The following DPP8 variants were observed in gnomAD, a reference collection of about 807,000 sequenced individuals.
The protein encoded by DPP8 is DPP VIII.
DPP8 carries 31 observed loss-of-function variants against 107.5 expected under a neutral mutation model. That is an observed-to-expected ratio of 0.29 (90% confidence interval 0.22 to 0.39). The LOEUF is 0.39. Among genes scored for constraint, DPP8 ranks in the 10% least tolerant of loss-of-function variants. The pLI is 1.00. For missense variants in DPP8, 842 were observed against 1,076.1 expected (o/e 0.78, Z 3.04); for synonymous variants, 381 against 356.6 (o/e 1.07, Z -0.77).
intron 7 of DPP8, among the ~76,000 whole-genome samples, chr15:65,486,793 G>A (rs146536478): frequency 0.018 from 2,705 of 152,196 alleles, 40 homozygotes; most frequent in Non-Finnish European, 0.027. Context: ...AGGACACAAA[G>A]GCATAAGAAT....
At chr15:65,448,580 T>C (rs980255008) in intron 19 of DPP8, among the ~76,000 whole-genome samples, 3 of 143,712 alleles carry the variant, frequency 2.1e-5, no homozygotes, top group African/African-American at 5.2e-5. Context: ...GCTGGGGCAG[T>C]AGAATGGCGT....
rs2063351541 is a variant in DPP8, at chr15:65,443,013, A to C, written c.*3871T>G. 1 of 152,168 alleles carries C rather than the reference A, an allele frequency of 6.6e-6. No homozygotes were observed. Among genetic ancestry groups the C allele is most frequent in the Admixed American group, 6.5e-5 (1 of 15,278 alleles). 9.4% of individuals were successfully genotyped at this position (152,168 alleles called of 1,614,324 possible). A position where few individuals can be genotyped will look rare whatever the true frequency, so the allele number is the denominator to read the frequency against. On this transcript the variant is annotated 3_prime_UTR_variant, in exon 20 of 20. Transcript: ENST00000300141. ...TATTCCAATCCTCAAATCCTCCACT[A>C]TACCAAGGAAGACACATTTAGTGCA... is the stretch of plus-strand genomic sequence containing the variant.
In DPP8 at chr15:65,481,584, T is replaced by C; in HGVS notation, c.1049A>G (p.Gln350Arg). 6.3e-7 allele frequency: 1 copy of C among 1,584,478 alleles called. No individual in the cohort carries two copies. The highest frequency in any genetic ancestry group is 8.6e-7 in the Non-Finnish European group (1 of 1,165,712). ...IIDVIDKELI[Q>R]PFEILFEGVE... ...TCCTTCAAATAGAATCTCAAAAGGT[T>C]GAATTAGTTCCTTATCTATGACATC... Residue 350 changes from glutamine to arginine, a missense_variant, in exon 9 of 20, where the codon CAA becomes CGA. Physicochemically the swap from Gln to Arg is conservative, Grantham distance 43 (BLOSUM62 1). Around this residue, in one of 2 missense-constraint regions of DPP8, gnomAD observed 663 missense variants for 758.0 expected, o/e 0.87. Transcript: ENST00000300141.
Position 65,454,262 on chromosome 15 carries a change from C to A in DPP8, c.2271+1G>T. 6.6e-7 allele frequency: 1 copy of A among 1,522,256 alleles called. No homozygotes were observed. The highest frequency in any genetic ancestry group is 8.7e-7 in the Non-Finnish European group (1 of 1,143,844). The allele number at this position is 1,522,256 out of a possible 1,614,324, so 94.3% of individuals were successfully genotyped here. ...AATGAGTATAATAGGAAGTCACATA[C>A]CCTGAAGATATCTGACCTCTGCATT... On this transcript the variant is annotated splice_donor_variant, in intron 17 of 19. Transcript: ENST00000300141. LOFTEE classifies it high-confidence loss of function.
rs1286622501 is a variant in DPP8, at chr15:65,474,164, C to T, written c.1536+45G>A. The T allele has an allele frequency of 2.2e-6, 3 of 1,359,954 alleles. No homozygotes were observed. In the African/African-American group the frequency reaches 4.3e-5, roughly 19 times the overall value. The allele number at this position is 1,359,954 out of a possible 1,614,324, so 84.2% of individuals were successfully genotyped here. ...TTACTCATTTTTAGCACTGCATTCA[C>T]ACAGTAATACTGACCAAACATATCA... is the stretch of plus-strand genomic sequence containing the variant. On this transcript the variant is annotated intron_variant, in intron 12 of 19. Transcript: ENST00000300141.
intron 12 of DPP8, among the ~76,000 whole-genome samples, chr15:65,469,568 G>A (rs2053137): frequency 0.19 from 28,349 of 146,026 alleles, 3,776 homozygotes; most frequent in East Asian, 0.73. Flanking sequence ...CAGGAGAATC[G>A]CTTGAACCTG....
intron 12 of DPP8, among the ~76,000 whole-genome samples, chr15:65,471,716 G>A (rs985235335): frequency 2.0e-5 from 3 of 151,940 alleles, no homozygotes; most frequent in African/African-American, 7.3e-5. Flanking sequence ...TCTAATTCCT[G>A]GGCACAAGTG....
At chr15:65,492,099 T>G (rs1237227299) in intron 5 of DPP8, among the ~76,000 whole-genome samples, 1 of 151,460 alleles carries the variant, frequency 6.6e-6, no homozygotes, top group East Asian at 2.0e-4. Context: ...CCCAACACTT[T>G]GGGAGGCTGA....
At position 65,447,310 on chromosome 15, in the gene DPP8, C is replaced by T. The variant is rs979244737; in HGVS notation, c.2527-304G>A. 2.0e-5 allele frequency among the ~76,000 whole-genome samples: 3 copies of T among 152,240 alleles called. No individual in the cohort carries two copies. In the Middle Eastern group the frequency reaches 0.01, roughly 518 times the overall value. ...GACACGGTCAAAACTACTTTTAGAA[C>T]AACACAAAGACATTATTTGCCTTTA... On this transcript the variant is annotated intron_variant, in intron 19 of 19. Coordinates refer to ENST00000300141, the MANE Select transcript of DPP8 (RefSeq NM_130434.5).
chr15:65,472,861 G>A (rs549623211), intron 12 of DPP8, among the ~76,000 whole-genome samples: 33 of 152,140 alleles, frequency 2.2e-4, no homozygotes, highest in Non-Finnish European at 1.8e-4. Flanking sequence ...GCAACATGGC[G>A]GAATCCCGTC....
At position 65,474,327 on chromosome 15, in the gene DPP8, A is replaced by G. The variant is rs535123257; in HGVS notation, c.1457-39T>C. 9.3e-6 allele frequency: 13 copies of G among 1,390,418 alleles called. No homozygotes were observed. The African/African-American group carries it at 1.6e-4, about 17-fold the overall frequency. 86.1% of individuals were successfully genotyped at this position (1,390,418 alleles called of 1,614,324 possible). ...TAATTATAATTCAGTACATTATACCAGACTATAAGCAAATGAAACAATTAA... is the reference window on the plus strand; with the variant it reads ...TAATTATAATTCAGTACATTATACCGGACTATAAGCAAATGAAACAATTAA... On this transcript the variant is annotated intron_variant, in intron 11 of 19. Coordinates refer to ENST00000300141, the MANE Select transcript of DPP8 (RefSeq NM_130434.5).
At chr15:65,497,471 C>G (rs2068728694) in intron 5 of DPP8, among the ~76,000 whole-genome samples, 1 of 151,856 alleles carries the variant, frequency 6.6e-6, no homozygotes, top group Non-Finnish European at 1.5e-5. Context: ...CCATCCTGAT[C>G]TTGAACTTCT....
At chr15:65,474,888 A>C (rs2066242754) in intron 11 of DPP8, among the ~76,000 whole-genome samples, 1 of 152,250 alleles carries the variant, frequency 6.6e-6, no homozygotes, top group Non-Finnish European at 1.5e-5. Flanking sequence ...TGATCTATTT[A>C]GGTAATGCAA....
chr15:65,495,758 G>A (rs1420647268), intron 5 of DPP8, among the ~76,000 whole-genome samples: 3 of 150,498 alleles, frequency 2.0e-5, no homozygotes, highest in East Asian at 2.0e-4. Flanking sequence ...AAAATTAGCC[G>A]GTAATCCCAG....
At chr15:65,468,084 G>A (rs1390182624) in intron 12 of DPP8, among the ~76,000 whole-genome samples, 5 of 152,092 alleles carry the variant, frequency 3.3e-5, no homozygotes, top group East Asian at 1.9e-4. Flanking sequence ...CAAAAAAACC[G>A]CAAGTAAATT....
At chr15:65,450,321 A>G (rs2063885230) in intron 19 of DPP8, among the ~76,000 whole-genome samples, 1 of 152,156 alleles carries the variant, frequency 6.6e-6, no homozygotes, top group Admixed American at 6.6e-5. Flanking sequence ...CATATCTTAC[A>G]TGAGAAATAT....
intron 8 of DPP8, 41 bp downstream of exon 8, chr15:65,485,058 G>C: frequency 6.7e-7 from 1 of 1,495,634 alleles, no homozygotes; most frequent in Non-Finnish European, 9.3e-7. Context: ...GAATAGATTA[G>C]TCAAATGACG....
rs149252103 is a variant in DPP8 at position 65,450,945 on chromosome 15, G to A, written c.2526+54C>T. 9 of 1,114,456 alleles carry A rather than the reference G, an allele frequency of 8.1e-6. No homozygotes were observed. In the East Asian group the frequency reaches 2.2e-4, roughly 27 times the overall value. 69.0% of individuals were successfully genotyped at this position (1,114,456 alleles called of 1,614,324 possible). On this transcript the variant is annotated intron_variant, in intron 19 of 19. Coordinates refer to ENST00000300141, the MANE Select transcript of DPP8 (RefSeq NM_130434.5). ...TACCCCACAGCTAATAGATTTCAAA[G>A]TAATCAATCACTAATCATGACTGCA... is the stretch of plus-strand genomic sequence containing the variant.
chr15:65,473,257 G>C (rs964024479), intron 12 of DPP8, among the ~76,000 whole-genome samples: 2 of 150,882 alleles, frequency 1.3e-5, no homozygotes, highest in African/African-American at 4.9e-5. Context: ...CCCAGGAGGT[G>C]GAAGTTTCAG....
Sources: allele counts gnomAD v4.1 joint callset (sites outside exome capture counted in the v4.1 genomes callset), GRCh38; gene constraint gnomAD v4.1.1; regional missense constraint gnomAD v4.1.1; transcripts MANE v1.5; gene names NCBI Gene and HGNC (gene_info 2026-07-23, HGNC 2026-07-21).